MYOM1: variants seen among roughly 807,000 people sequenced by gnomAD.
MYOM1 encodes myomesin 1.
A neutral mutation model predicts 205.3 loss-of-function variants in MYOM1; 164 were observed. The ratio of observed to expected loss-of-function variants is 0.80; its 90% CI spans 0.70 to 0.91. The LOEUF is 0.91. MYOM1 is among the 40% of genes least tolerant of loss of function. The pLI, the probability that MYOM1 is intolerant of heterozygous loss-of-function variation, is 0.00. For synonymous variants in MYOM1, 772 were observed against 789.4 expected, an observed-to-expected ratio of 0.98 and a Z score of 0.37; for missense variants, 2,011 against 2,127.3, an observed-to-expected ratio of 0.95 and a Z score of 1.08.
At chr18:3,181,179 G>A (rs1356133543) in intron 5 of MYOM1, among the ~76,000 whole-genome samples, 2 of 152,098 alleles carry the variant, frequency 1.3e-5, no homozygotes, top group Non-Finnish European at 2.9e-5. Context: ...TGCCTGCTTC[G>A]GCCCCCAAAG....
Position 3,168,753 on chromosome 18 carries a change from A to T in MYOM1, c.1339+64T>A, listed in dbSNP as rs181044223. ...AGATTCCACCAGCTCCGATAAACAG[A>T]TCTGCAATCTGGTCTACAACCTTCG... On this transcript the variant is annotated intron_variant, in intron 9 of 37. Transcript: ENST00000356443. 1.4e-3 allele frequency: 2,204 copies of T among 1,550,006 alleles called. 49 individuals are homozygous for T. The South Asian group carries it at 0.02, about 14-fold the overall frequency.
Position 3,100,323 on chromosome 18 carries a change from C to T in MYOM1, c.3679G>A (p.Glu1227Lys), listed in dbSNP as rs2079359775. The part of the protein sequence containing the change: ...GIASSYLIDE[E>K]ELKRLLALSH... ...AATGCACTGATTTTAAACTTACCTT[C>T]CTCATCTATTAAGTAGCTTGATGCT... The change falls in exon 24 of 38, where the codon GAA becomes AAA. Residue 1227 changes from glutamate to lysine, a missense_variant. Coordinates refer to ENST00000356443, the MANE Select transcript of MYOM1 (RefSeq NM_003803.4). 6.2e-7 allele frequency: 1 copy of T among 1,613,616 alleles called. No individual in the cohort carries two copies. Among genetic ancestry groups the T allele is most frequent in the East Asian group, 2.2e-5 (1 of 44,868 alleles).
In MYOM1 at chr18:3,112,727, C is replaced by T. The variant is rs78964507; in HGVS notation, c.3304-315G>A. 3.3e-3 allele frequency among the ~76,000 whole-genome samples: 505 copies of T among 152,282 alleles called. 4 individuals carry two copies. Among genetic ancestry groups the T allele is most frequent in the Admixed American group, 8.9e-3 (136 of 15,290 alleles). ...GACTAGTGTACGTAGGTGTCACATG[C>T]GTTAGCCACTGTATTCTTTGGTCAA... is the stretch of plus-strand genomic sequence containing the variant. On this transcript the variant is annotated intron_variant, in intron 21 of 37. Transcript: ENST00000356443.
At chr18:3,145,483 T>A (rs1022474355) in intron 13 of MYOM1, among the ~76,000 whole-genome samples, 1 of 152,082 alleles carries the variant, frequency 6.6e-6, no homozygotes, top group Non-Finnish European at 1.5e-5. Context: ...AAGAGAAATA[T>A]ACTTGGGAAA....
chr18:3,203,918 T>A (rs1275469317), intron 2 of MYOM1, among the ~76,000 whole-genome samples: 1 of 151,762 alleles, frequency 6.6e-6, no homozygotes, highest in Non-Finnish European at 1.5e-5. Flanking sequence ...TAAAACCAAG[T>A]GAAGATTACC....
chr18:3,157,198 A>C lies in MYOM1; in HGVS notation c.1502-2110T>G, dbSNP rs2080312911. 2.6e-5 allele frequency among the ~76,000 whole-genome samples: 4 copies of C among 152,280 alleles called. No individual in the cohort carries two copies. The Middle Eastern group carries it at 0.01, about 388-fold the overall frequency. Reference sequence around the variant, plus strand: ...GGCATAGATGCACGATGGCAGGAATACGCTGTAATGGAGCCTGGCAGACAG... The same window carrying C: ...GGCATAGATGCACGATGGCAGGAATCCGCTGTAATGGAGCCTGGCAGACAG... On this transcript the variant is annotated intron_variant, in intron 10 of 37. Coordinates refer to ENST00000356443, the MANE Select transcript of MYOM1 (RefSeq NM_003803.4).
intron 25 of MYOM1, 137 bp from the exon 26 acceptor site, chr18:3,094,443 AG>A: frequency 2.3e-6 from 2 of 881,352 alleles, no homozygotes; most frequent in Non-Finnish European, 3.4e-6. Context: ...CAAAGCCCAG[AG>A]GCAGTGAGAG....
intron 13 of MYOM1, among the ~76,000 whole-genome samples, chr18:3,145,179 T>G (rs2080107620): frequency 6.6e-6 from 1 of 151,882 alleles, no homozygotes; most frequent in African/African-American, 2.4e-5. Flanking sequence ...CATGGTGGTA[T>G]GTGCCTATAA....
chr18:3,233,792 G>A, the MYOM1 span, among the ~76,000 whole-genome samples: 1 of 152,232 alleles, frequency 6.6e-6, no homozygotes, highest in Non-Finnish European at 1.5e-5. Flanking sequence ...ACTGATTTCA[G>A]TGGAATTAGG....
In MYOM1 at chr18:3,135,592, C is replaced by T; in HGVS notation, c.2164G>A (p.Glu722Lys). Reference sequence around the variant, plus strand: ...GTCACCTCCGTTGCCTCTGAGGGCTCACCAACTCCTGCAGAATTAGAACAG... The same window carrying T: ...GTCACCTCCGTTGCCTCTGAGGGCTTACCAACTCCTGCAGAATTAGAACAG... ...VRCSNSAGVG[E>K]PSEATEVTVV... The change falls in exon 15 of 38, where the codon GAG becomes AAG. Residue 722 changes from glutamate to lysine, a missense_variant. By Grantham distance (56) the Glu-to-Lys change is moderately conservative. Transcript: ENST00000356443. The surrounding 1 kb of genome is among the most constrained non-coding windows in gnomAD (Gnocchi z 4.1). 1 of 1,613,848 alleles carries T rather than the reference C, an allele frequency of 6.2e-7. No homozygotes were observed. Among genetic ancestry groups the T allele is most frequent in the Non-Finnish European group, 8.5e-7 (1 of 1,179,872 alleles).
At chr18:3,241,079 A>G in the MYOM1 span, among the ~76,000 whole-genome samples, 2 of 152,244 alleles carry the variant, frequency 1.3e-5, no homozygotes, top group Non-Finnish European at 2.9e-5. Flanking sequence ...GAAGCAGAGC[A>G]TGAAAGTCTG....
chr18:3,087,190 G>A (rs187689335), intron 29 of MYOM1, among the ~76,000 whole-genome samples: 2 of 152,248 alleles, frequency 1.3e-5, no homozygotes, highest in Admixed American at 6.5e-5. Flanking sequence ...AATGCACTCC[G>A]CAGCTTTGGG....
In MYOM1 at chr18:3,114,066, C is replaced by T. The variant is rs749345417; in HGVS notation, c.3304-1654G>A. ...TATAGGTTAAATGTATAGAGCCTGA[C>T]ATATTTAAATTCTATGTTTAGAAAT... On this transcript the variant is annotated intron_variant, in intron 21 of 37. Transcript: ENST00000356443. Among the ~76,000 whole-genome samples the T allele has an allele frequency of 1.8e-4, 28 of 152,180 alleles. 1 individual carries two copies. The highest frequency in any genetic ancestry group is 2.6e-4 in the Admixed American group (4 of 15,282).
intron 14 of MYOM1, among the ~76,000 whole-genome samples, chr18:3,138,201 A>G (rs9948582): frequency 0.25 from 38,394 of 152,002 alleles, 5,161 homozygotes; most frequent in East Asian, 0.43. Context: ...TTGGTAAGAG[A>G]AGAAATTTAG....
chr18:3,131,958 C>T (rs2079881648), intron 16 of MYOM1, among the ~76,000 whole-genome samples: 1 of 148,608 alleles, frequency 6.7e-6, no homozygotes, highest in South Asian at 2.1e-4. Context: ...TATAAAGTAC[C>T]TATATAGGGC....
intron 13 of MYOM1, among the ~76,000 whole-genome samples, chr18:3,148,620 G>T (rs2143972226): frequency 6.6e-6 from 1 of 152,118 alleles, no homozygotes; most frequent in East Asian, 1.9e-4. Flanking sequence ...GGCCGAGACG[G>T]GCGGATCACG....
At chr18:3,089,325 T>C in intron 28 of MYOM1, 84 bp from the exon 29 acceptor site, 2 of 1,104,918 alleles carry the variant, frequency 1.8e-6, no homozygotes, top group South Asian at 1.5e-5. Context: ...TAAGGTGATT[T>C]ACATCTGAAG....
At chr18:3,229,907 C>A in the MYOM1 span, among the ~76,000 whole-genome samples, 2 of 129,376 alleles carry the variant, frequency 1.5e-5, no homozygotes, top group Non-Finnish European at 3.1e-5. Context: ...ACCCAGGAGG[C>A]GGAGGTTGCA....
rs765682686 is a variant in MYOM1 at position 3,067,387 on chromosome 18, C to G, written c.4933G>C (p.Gly1645Arg). The change falls in exon 38 of 38, where the codon GGG (glycine) becomes CGG (arginine). Residue 1645 changes from glycine (G) to arginine (R), a missense_variant. Transcript: ENST00000356443. ...CCATACTTGTTCTTCACAACCAGCC[C>G]GTATTTGCCCGAGTCAGCGGTGCTC... The part of the protein sequence containing the change: ...GVSTADSGKY[G>R]LVVKNKYGSE... The G allele has an allele frequency of 6.2e-7, 1 of 1,613,242 alleles. No homozygotes were observed. The highest frequency in any genetic ancestry group is 8.5e-7 in the Non-Finnish European group (1 of 1,179,902).
Sources: allele counts gnomAD v4.1 joint callset (sites outside exome capture counted in the v4.1 genomes callset), GRCh38; gene constraint gnomAD v4.1.1; non-coding constraint Gnocchi (gnomAD v3.1); transcripts MANE v1.5; gene names NCBI Gene and HGNC (gene_info 2026-07-23, HGNC 2026-07-21).